Variants in UGCG observed in about 807,000 individuals in gnomAD.
UGCG encodes UDP-glucose ceramide glucosyltransferase.
In UGCG, 10 loss-of-function variants were observed where a neutral mutation model predicts 49.5. That is an observed-to-expected ratio of 0.20 (90% CI 0.12 to 0.34). UGCG has a LOEUF of 0.34. UGCG is among the 10% of genes least tolerant of loss of function. UGCG has a pLI of 1.00. For synonymous variants in UGCG, 182 were observed against 158.2 expected (o/e 1.15, Z -1.13); for missense variants, 312 against 483.7 (o/e 0.65, Z 3.33).
At chr9:111,913,599 ATTT>A (rs35083061) in intron 1 of UGCG, among the ~76,000 whole-genome samples, 22 of 132,196 alleles carry the variant, frequency 1.7e-4, no homozygotes, top group Admixed American at 1.5e-4. Flanking sequence ...CGCCCAGCTA[ATTT>A]TTTTTTTTTT....
chr9:111,906,149 A>C (rs1433207682), intron 1 of UGCG, among the ~76,000 whole-genome samples: 1 of 152,156 alleles, frequency 6.6e-6, no homozygotes, highest in Non-Finnish European at 1.5e-5. Flanking sequence ...TACAAGTTGC[A>C]AACCTCTGGT....
intron 7 of UGCG, 51 bp downstream of exon 7, chr9:111,931,408 G>C (rs1243754812): frequency 1.3e-6 from 2 of 1,568,268 alleles, no homozygotes; most frequent in Non-Finnish European, 1.7e-6. Context: ...AGTGGGGAGG[G>C]GGGTGGTAAT....
At chr9:111,927,805 T>C (rs537706022) in intron 5 of UGCG, among the ~76,000 whole-genome samples, 1 of 152,330 alleles carries the variant, frequency 6.6e-6, no homozygotes, top group Non-Finnish European at 1.5e-5. Context: ...TTTGGAGTCT[T>C]TATTTCCCCC....
chr9:111,920,288 A>G (rs904016258), intron 2 of UGCG, among the ~76,000 whole-genome samples: 2 of 152,158 alleles, frequency 1.3e-5, no homozygotes, highest in African/African-American at 4.8e-5. Flanking sequence ...TTTTCATTTG[A>G]CAAAAAATCT....
chr9:111,926,267 T>C lies in UGCG; in HGVS notation c.446-117T>C, dbSNP rs78621549. The C allele has an allele frequency of 3.0e-3, 1,835 of 611,752 alleles. 29 individuals carry two copies. Among genetic ancestry groups the C allele is most frequent in the African/African-American group, 0.029 (1,574 of 53,862 alleles). The allele number at this position is 611,752 out of a possible 1,614,324, so 37.9% of individuals were successfully genotyped here. A position where few individuals can be genotyped will look rare whatever the true frequency, so the allele number is the denominator to read the frequency against. On this transcript the variant is annotated intron_variant, in intron 4 of 8. Transcript: ENST00000374279. ...TTTTATTAGATCCATATGTTTAAAA[T>C]AATGTATTTTATTAAGAATGTAATA...
chr9:111,903,381 G>A (rs73530542), intron 1 of UGCG, among the ~76,000 whole-genome samples: 13,967 of 152,016 alleles, frequency 0.092, 1,125 homozygotes, highest in African/African-American at 0.21. Flanking sequence ...CCTGACCAAC[G>A]TGGCAAAACC....
chr9:111,928,052 A>G (rs1838356812), intron 5 of UGCG, among the ~76,000 whole-genome samples: 1 of 152,180 alleles, frequency 6.6e-6, no homozygotes, highest in South Asian at 2.1e-4. Flanking sequence ...AAGGACAGAT[A>G]TGTGATTTCA....
chr9:111,913,296 A>G (rs776363185), intron 1 of UGCG, among the ~76,000 whole-genome samples: 3 of 152,166 alleles, frequency 2.0e-5, no homozygotes, highest in Non-Finnish European at 4.4e-5. Flanking sequence ...CTTGTTTATG[A>G]GAAGTACTTG....
intron 5 of UGCG, among the ~76,000 whole-genome samples, chr9:111,928,401 G>A (rs1342938950): frequency 6.6e-6 from 1 of 152,152 alleles, no homozygotes; most frequent in Non-Finnish European, 1.5e-5. Context: ...TCTCTGTGAT[G>A]TGTATGTCAA....
At chr9:111,912,539 C>T (rs1312109228) in intron 1 of UGCG, among the ~76,000 whole-genome samples, 2 of 151,718 alleles carry the variant, frequency 1.3e-5, no homozygotes, top group African/African-American at 4.8e-5. Context: ...GATCGCACCA[C>T]TGCACTCCAG....
At chr9:111,928,967 T>G (rs1838372849) in intron 5 of UGCG, among the ~76,000 whole-genome samples, 1 of 152,080 alleles carries the variant, frequency 6.6e-6, no homozygotes, top group East Asian at 1.9e-4. Flanking sequence ...GGGAAGAATC[T>G]TAGTGACTAA....
chr9:111,901,880 T>G (rs1191853323), intron 1 of UGCG, among the ~76,000 whole-genome samples: 2 of 152,188 alleles, frequency 1.3e-5, no homozygotes, highest in African/African-American at 4.8e-5. Context: ...CCCTCGATTT[T>G]ATATTTCTTA....
chr9:111,915,515 T>C (rs1838094786), intron 2 of UGCG, among the ~76,000 whole-genome samples: 1 of 152,220 alleles, frequency 6.6e-6, no homozygotes, highest in Admixed American at 6.5e-5. Context: ...GTGAGAAGAA[T>C]GTGTCTTTAA....
At chr9:111,923,575 C>T (rs527373989) in intron 3 of UGCG, among the ~76,000 whole-genome samples, 32 of 152,154 alleles carry the variant, frequency 2.1e-4, no homozygotes, top group Non-Finnish European at 4.0e-4. Context: ...CAGAGATGCT[C>T]ATTCTTCACA....
chr9:111,931,808 C>G (rs1379771251), intron 7 of UGCG, among the ~76,000 whole-genome samples: 2 of 152,134 alleles, frequency 1.3e-5, no homozygotes, highest in Non-Finnish European at 2.9e-5. Flanking sequence ...GAGAGGACTG[C>G]TTGAGCCCAG....
At chr9:111,903,896 C>G (rs1165550837) in intron 1 of UGCG, among the ~76,000 whole-genome samples, 3 of 152,144 alleles carry the variant, frequency 2.0e-5, no homozygotes, top group African/African-American at 7.2e-5. Flanking sequence ...TTCAGTCACC[C>G]AGTCTTTCTA....
At chr9:111,912,631 A>G (rs1838033964) in intron 1 of UGCG, among the ~76,000 whole-genome samples, 1 of 152,176 alleles carries the variant, frequency 6.6e-6, no homozygotes, top group Admixed American at 6.6e-5. Flanking sequence ...ACTTTGGTAA[A>G]CTACAATAAA....
intron 1 of UGCG, among the ~76,000 whole-genome samples, chr9:111,912,474 G>A (rs1298302976): frequency 6.6e-6 from 1 of 151,996 alleles, no homozygotes. Flanking sequence ...AGCTACTTGG[G>A]AGGCTGAGGC....
chr9:111,920,440 C>T (rs529729736), intron 2 of UGCG, among the ~76,000 whole-genome samples: 9 of 152,078 alleles, frequency 5.9e-5, no homozygotes, highest in Non-Finnish European at 8.8e-5. Context: ...CGGCTCACTG[C>T]GACCTCCCTC....
Sources: gnomAD v4.1 joint callset for allele counts (sites outside exome capture counted in the v4.1 genomes callset) on GRCh38, gnomAD v4.1.1 for gene constraint, MANE v1.5 for transcripts, NCBI Gene and HGNC (gene_info 2026-07-23, HGNC 2026-07-21) for gene names.